Variants in CPTP observed in about 807,000 individuals in gnomAD.
CPTP encodes ceramide-1-phosphate transfer protein.
In CPTP, 5 loss-of-function variants were observed where a neutral mutation model predicts 5.7. That is an observed-to-expected ratio of 0.88 (90% CI 0.46 to 1.86). CPTP has a LOEUF of 1.86. Among genes scored for constraint, CPTP ranks in the 40% most tolerant of loss-of-function variants. CPTP has a pLI of 0.01. For missense variants in CPTP, 335 were observed against 306.5 expected (o/e 1.09, Z -0.69); for synonymous variants, 166 against 142.7 (o/e 1.16, Z -1.16).
chr1:1,327,308 A>G lies in CPTP; in HGVS notation c.190A>G (p.Met64Val). Residue 64 changes from methionine (M) to valine (V), a missense_variant, in exon 3 of 3, where the codon ATG becomes GTG. Coordinates refer to ENST00000343938, the MANE Select transcript of CPTP (RefSeq NM_001029885.2). ...GGACGTGGTCTCCAAGCTGCGGATC[A>G]TGGAGCGCCTCAGGGGCGGCCCGCA... ...SKDVVSKLRI[M>V]ERLRGGPQSE... is the part of the protein sequence containing the mutation. The G allele has an allele frequency of 3.1e-6, 5 of 1,598,158 alleles. No individual in the cohort carries two copies. The highest frequency in any genetic ancestry group is 4.2e-6 in the Non-Finnish European group (5 of 1,179,490).
At position 1,327,824 on chromosome 1, in the gene CPTP, G is replaced by T; in HGVS notation, c.*61G>T. On this transcript the variant is annotated 3_prime_UTR_variant, in exon 3 of 3. Transcript: ENST00000343938. ...GCAGATCTGGGCTGCGGTGGCCAGG[G>T]CCGTGAGTCCCGTGGCAGAGCCTTC... The T allele has an allele frequency of 6.4e-7, 1 of 1,574,284 alleles. No individual in the cohort carries two copies. Among genetic ancestry groups the T allele is most frequent in the Non-Finnish European group, 8.6e-7 (1 of 1,159,134 alleles).
rs542673853 is a variant in CPTP at position 1,328,126 on chromosome 1, G to A, written c.*363G>A. ...CCCCTAGCCTGTGGGGTGCATCTGC[G>A]AACCAGGGTGAAGTCACAGGTCCCG... On this transcript the variant is annotated 3_prime_UTR_variant, in exon 3 of 3. Coordinates refer to ENST00000343938, the MANE Select transcript of CPTP (RefSeq NM_001029885.2). 9 of 341,760 alleles carry A rather than the reference G, an allele frequency of 2.6e-5. No homozygotes were observed. Among genetic ancestry groups the A allele is most frequent in the South Asian group, 9.3e-5 (3 of 32,276 alleles). 21.2% of individuals were successfully genotyped at this position (341,760 alleles called of 1,614,324 possible).
In CPTP at chr1:1,328,104, C is replaced by G. The variant is rs1643351106; in HGVS notation, c.*341C>G. 2 of 397,220 alleles carry G rather than the reference C, an allele frequency of 5.0e-6. No homozygotes were observed. Among genetic ancestry groups the G allele is most frequent in the Non-Finnish European group, 9.1e-6 (2 of 219,076 alleles). The allele number at this position is 397,220 out of a possible 1,614,324, so 24.6% of individuals were successfully genotyped here. A position where few individuals can be genotyped will look rare whatever the true frequency, so the allele number is the denominator to read the frequency against. ...CAAGAGCCCGAAAGGTCGCCACCCCCTAGCCTGTGGGGTGCATCTGCGAAC... is the reference window on the plus strand; with the variant it reads ...CAAGAGCCCGAAAGGTCGCCACCCCGTAGCCTGTGGGGTGCATCTGCGAAC... On this transcript the variant is annotated 3_prime_UTR_variant, in exon 3 of 3. Coordinates refer to ENST00000343938, the MANE Select transcript of CPTP (RefSeq NM_001029885.2).
chr1:1,327,270 C>T lies in CPTP; in HGVS notation c.152C>T (p.Ser51Leu). Residue 51 changes from serine to leucine, a missense_variant, in exon 3 of 3, where the codon TCA becomes TTA. Physicochemically the swap from Ser to Leu is moderately radical, Grantham distance 145. Transcript: ENST00000343938. ...RFLNSLGTIF[S>L]FISKDVVSKL... is the part of the protein sequence containing the mutation. ...CTGAACAGCCTGGGCACCATCTTCT[C>T]ATTCATCTCCAAGGACGTGGTCTCC... The T allele has an allele frequency of 6.3e-7, 1 of 1,597,950 alleles. No homozygotes were observed. Among genetic ancestry groups the T allele is most frequent in the Non-Finnish European group, 8.5e-7 (1 of 1,179,490 alleles).
In CPTP at chr1:1,327,927, AG is replaced by A. The variant is rs1643346741; in HGVS notation, c.*166del. Reference sequence around the variant, plus strand: ...TAGGAACCACAGACTGTGACAGAGAAGGTGGCGACCAGCCCAGAAGAGGCCC... The same window carrying A: ...TAGGAACCACAGACTGTGACAGAGAAGTGGCGACCAGCCCAGAAGAGGCCC... On this transcript the variant is annotated 3_prime_UTR_variant, in exon 3 of 3. Transcript: ENST00000343938. The A allele has an allele frequency of 1.3e-6, 1 of 799,720 alleles. No homozygotes were observed. The highest frequency in any genetic ancestry group is 1.7e-5 in the African/African-American group (1 of 57,632). 49.5% of individuals were successfully genotyped at this position (799,720 alleles called of 1,614,324 possible). A position where few individuals can be genotyped will look rare whatever the true frequency, so the allele number is the denominator to read the frequency against.
At position 1,327,520 on chromosome 1, in the gene CPTP, C is replaced by G. The variant is rs1419532979; in HGVS notation, c.402C>G (p.Thr134=). The change falls in exon 3 of 3, where the codon ACC becomes ACG. Residue 134 remains threonine (T), a synonymous_variant. Coordinates refer to ENST00000343938, the MANE Select transcript of CPTP (RefSeq NM_001029885.2). ...GTACCAGCCCCGAGGACGCACGCACCTCCGCGCTCTGCGCCGACTCCTACA... is the reference window on the plus strand; with the variant it reads ...GTACCAGCCCCGAGGACGCACGCACGTCCGCGCTCTGCGCCGACTCCTACA... ...GLRTSPEDAR[T]SALCADSYNA... is the part of the protein sequence containing the mutation. 1 of 1,579,550 alleles carries G rather than the reference C, an allele frequency of 6.3e-7. No homozygotes were observed. The highest frequency in any genetic ancestry group is 8.6e-7 in the Non-Finnish European group (1 of 1,165,906).
chr1:1,326,521 G>A (rs1181242480), intron 1 of CPTP, among the ~76,000 whole-genome samples: 1 of 152,226 alleles, frequency 6.6e-6, no homozygotes, highest in Non-Finnish European at 1.5e-5. Context: ...TCTAGAGAGA[G>A]AAACAAAAAC....
Position 1,327,622 on chromosome 1 carries a change from C to T in CPTP, c.504C>T (p.Arg168=), listed in dbSNP as rs200227618. 293 of 1,612,412 alleles carry T rather than the reference C, an allele frequency of 1.8e-4. 3 individuals carry two copies. The highest frequency in any genetic ancestry group is 3.0e-4 in the Admixed American group (18 of 59,970). Reference sequence around the variant, plus strand: ...TGGCCTTCTGCACGCTGCCCACACGCGAGGTCTTCCTGGAGGCCATGAACG... The same window carrying T: ...TGGCCTTCTGCACGCTGCCCACACGTGAGGTCTTCCTGGAGGCCATGAACG... The part of the protein sequence containing the change: ...VTVAFCTLPT[R]EVFLEAMNVG... Residue 168 remains arginine (R), a synonymous_variant, in exon 3 of 3, where the codon CGC becomes CGT. Transcript: ENST00000343938.
At chr1:1,327,172 G>A in intron 2 of CPTP, 69 bp from the exon 3 acceptor site, 1 of 1,585,756 alleles carries the variant, frequency 6.3e-7, no homozygotes, top group Admixed American at 1.7e-5. Context: ...AGGCTGGGCA[G>A]CGTCCCCTGC....
chr1:1,328,010 C>A lies in CPTP; in HGVS notation c.*247C>A, dbSNP rs368358913. ...CACGGCTCCCCCTCGGCCTATTACA[C>A]GCGTGCGCAGCCAGGCCTCGCCAGG... On this transcript the variant is annotated 3_prime_UTR_variant, in exon 3 of 3. Transcript: ENST00000343938. The A allele has an allele frequency of 1.7e-6, 1 of 576,932 alleles. No homozygotes were observed. Among genetic ancestry groups the A allele is most frequent in the Admixed American group, 3.2e-5 (1 of 31,686 alleles). The allele number at this position is 576,932 out of a possible 1,614,324, so 35.7% of individuals were successfully genotyped here. A position where few individuals can be genotyped will look rare whatever the true frequency, so the allele number is the denominator to read the frequency against.
At chr1:1,325,196 C>G (rs1156880811) in intron 1 of CPTP, 94 bp downstream of exon 1, 1 of 152,962 alleles carries the variant, frequency 6.5e-6, no homozygotes, top group African/African-American at 2.4e-5. Context: ...CCCCAGCCTG[C>G]TGTCAGCCCC....
At chr1:1,327,179 C>T in intron 2 of CPTP, 62 bp from the exon 3 acceptor site, 1 of 1,586,444 alleles carries the variant, frequency 6.3e-7, no homozygotes. Context: ...GCAGCGTCCC[C>T]TGCACCCCAG....
chr1:1,327,810 C>T lies in CPTP; in HGVS notation c.*47C>T, dbSNP rs761960041. On this transcript the variant is annotated 3_prime_UTR_variant, in exon 3 of 3. Coordinates refer to ENST00000343938, the MANE Select transcript of CPTP (RefSeq NM_001029885.2). ...CCGGCTTTCCTGCTGCAGATCTGGGCTGCGGTGGCCAGGGCCGTGAGTCCC... is the reference window on the plus strand; with the variant it reads ...CCGGCTTTCCTGCTGCAGATCTGGGTTGCGGTGGCCAGGGCCGTGAGTCCC... 2.5e-6 allele frequency: 4 copies of T among 1,596,846 alleles called. No homozygotes were observed. Among genetic ancestry groups the T allele is most frequent in the Non-Finnish European group, 3.4e-6 (4 of 1,175,204 alleles).
At chr1:1,326,723 C>A (rs1474925507) in intron 1 of CPTP, 113 bp from the exon 2 acceptor site, 36 of 680,932 alleles carry the variant, frequency 5.3e-5, no homozygotes, top group Non-Finnish European at 5.5e-5. Flanking sequence ...TGAGAGCCTG[C>A]GGCTTGGCTG....
At position 1,327,400 on chromosome 1, in the gene CPTP, G is replaced by C; in HGVS notation, c.282G>C (p.Leu94=). Residue 94 remains leucine, a synonymous_variant, in exon 3 of 3, where the codon CTG becomes CTC. Transcript: ENST00000343938. ...AHELSNRLVD[L]ERRSHHPESG... is the part of the protein sequence containing the mutation. Reference sequence around the variant, plus strand: ...AGCTGAGCAACCGGCTGGTGGACCTGGAGCGCCGCTCCCACCACCCGGAGT... The same window carrying C: ...AGCTGAGCAACCGGCTGGTGGACCTCGAGCGCCGCTCCCACCACCCGGAGT... 1 of 1,594,946 alleles carries C rather than the reference G, an allele frequency of 6.3e-7. No individual in the cohort carries two copies. Among genetic ancestry groups the C allele is most frequent in the Non-Finnish European group, 8.5e-7 (1 of 1,177,114 alleles).
Position 1,326,178 on chromosome 1 carries a change from A to G in CPTP, c.-75-658A>G, listed in dbSNP as rs1310886156. The stretch of plus-strand genomic sequence containing the variant: ...GAGTGGTAAAACCCATCTGTGTGGG[A>G]CATGGAGTTTCAGCAACAGGAGTGA... On this transcript the variant is annotated intron_variant, in intron 1 of 2. Coordinates refer to ENST00000343938, the MANE Select transcript of CPTP (RefSeq NM_001029885.2). Among the ~76,000 whole-genome samples, 15 of 152,210 alleles carry G rather than the reference A, an allele frequency of 9.9e-5. 1 individual carries two copies. The highest frequency in any genetic ancestry group is 9.8e-4 in the Admixed American group (15 of 15,280).
chr1:1,326,663 A>C lies in CPTP; in HGVS notation c.-75-173A>C, dbSNP rs189201170. Among the ~76,000 whole-genome samples, 186 of 152,316 alleles carry C rather than the reference A, an allele frequency of 1.2e-3. 2 individuals carry two copies. The highest frequency in any genetic ancestry group is 4.2e-3 in the African/African-American group (176 of 41,576). ...CTGATCCACAGGAGGGGCTGTGCCA[A>C]GGTCCCTGAATGCGCAATCCTGATG... On this transcript the variant is annotated intron_variant, in intron 1 of 2. Coordinates refer to ENST00000343938, the MANE Select transcript of CPTP (RefSeq NM_001029885.2).
rs931322845 is a variant in CPTP, at chr1:1,327,847, T to C, written c.*84T>C. 6 of 1,443,570 alleles carry C rather than the reference T, an allele frequency of 4.2e-6. No homozygotes were observed. The highest frequency in any genetic ancestry group is 4.8e-6 in the Non-Finnish European group (5 of 1,051,070). 89.4% of individuals were successfully genotyped at this position (1,443,570 alleles called of 1,614,324 possible). On this transcript the variant is annotated 3_prime_UTR_variant, in exon 3 of 3. Transcript: ENST00000343938. ...GGGCCGTGAGTCCCGTGGCAGAGCCTTCTGGGCGCTGCGGGAACAGGAGAT... is the reference window on the plus strand; with the variant it reads ...GGGCCGTGAGTCCCGTGGCAGAGCCCTCTGGGCGCTGCGGGAACAGGAGAT...
intron 1 of CPTP, 107 bp from the exon 2 acceptor site, chr1:1,326,729 G>A (rs533348364): frequency 1.8e-5 from 13 of 724,200 alleles, no homozygotes; most frequent in South Asian, 1.3e-4. Flanking sequence ...CCTGCGGCTT[G>A]GCTGGGAGCA....
Sources: allele counts gnomAD v4.1 joint callset (sites outside exome capture counted in the v4.1 genomes callset), GRCh38; gene constraint gnomAD v4.1.1; transcripts MANE v1.5; gene names NCBI Gene and HGNC (gene_info 2026-07-23, HGNC 2026-07-21).